Variants in ST7 observed in about 807,000 individuals in gnomAD.
ST7 encodes the protein suppression of tumorigenicity 7.
ST7 carries 28 observed loss-of-function variants against 78.7 expected under a neutral mutation model. That is an observed-to-expected ratio of 0.36 (90% CI 0.26 to 0.49). ST7 has a LOEUF of 0.49. Ranked by LOEUF, ST7 falls within the 20% of genes least tolerant of loss-of-function variation. The pLI is 0.99. For synonymous variants in ST7, 247 were observed against 249.6 expected, an observed-to-expected ratio of 0.99 and a Z score of 0.10; for missense variants, 418 against 696.0, an observed-to-expected ratio of 0.60 and a Z score of 4.49.
At chr7:117,080,041 C>T (rs1194170602) in intron 1 of ST7, among the ~76,000 whole-genome samples, 2 of 118,672 alleles carry the variant, frequency 1.7e-5, no homozygotes, top group East Asian at 2.8e-4. Context: ...AGTGCAGTGG[C>T]GGGATCTCGG....
chr7:117,115,611 C>T (rs973476278), intron 2 of ST7, among the ~76,000 whole-genome samples: 2 of 152,114 alleles, frequency 1.3e-5, no homozygotes, highest in African/African-American at 2.4e-5. Context: ...GCCTTGGCCT[C>T]CCAAAGTGTT....
intron 1 of ST7, among the ~76,000 whole-genome samples, chr7:117,057,885 A>G (rs1165220052): frequency 1.3e-5 from 2 of 152,060 alleles, no homozygotes; most frequent in African/African-American, 2.4e-5. Context: ...TATTTTTTTC[A>G]GTTACCACCT....
intron 1 of ST7, among the ~76,000 whole-genome samples, chr7:117,047,101 T>G (rs2116334565): frequency 6.6e-6 from 1 of 152,264 alleles, no homozygotes. Flanking sequence ...TAAATTGCAT[T>G]GGATACATTG....
At chr7:117,226,381 C>G (rs754336489) in intron 15 of ST7, among the ~76,000 whole-genome samples, 42 of 152,124 alleles carry the variant, frequency 2.8e-4, no homozygotes, top group Non-Finnish European at 4.6e-4. Context: ...TCTCTGCCCT[C>G]TGGACAGTTT....
intron 9 of ST7, among the ~76,000 whole-genome samples, chr7:117,159,841 C>T (rs545518999): frequency 4.6e-5 from 7 of 151,950 alleles, no homozygotes; most frequent in South Asian, 2.1e-4. Flanking sequence ...TGCAGTGAGC[C>T]GAGATCATGC....
chr7:117,175,891 G>A (rs1808310236), intron 10 of ST7, among the ~76,000 whole-genome samples: 1 of 152,070 alleles, frequency 6.6e-6, no homozygotes, highest in Non-Finnish European at 1.5e-5. Context: ...CGCAATGAGA[G>A]AATAAGAGCC....
At chr7:117,036,877 G>T (rs1000319848) in intron 1 of ST7, among the ~76,000 whole-genome samples, 1 of 152,146 alleles carries the variant, frequency 6.6e-6, no homozygotes, top group African/African-American at 2.4e-5. Context: ...TTTCCTAGGG[G>T]TATGAGTAGG....
intron 9 of ST7, among the ~76,000 whole-genome samples, chr7:117,149,583 G>A (rs1442163640): frequency 7.1e-6 from 1 of 139,998 alleles, no homozygotes; most frequent in Non-Finnish European, 1.5e-5. Flanking sequence ...TTGACTGTCC[G>A]TGTCCTACCT....
intron 9 of ST7, among the ~76,000 whole-genome samples, chr7:117,167,285 A>T (rs1018679499): frequency 6.9e-5 from 9 of 131,320 alleles, no homozygotes; most frequent in Non-Finnish European, 1.2e-4. Flanking sequence ...AGTGTTCATG[A>T]TTCTTAAGGT....
At chr7:116,957,709 G>T (rs1392705309) in intron 1 of ST7, among the ~76,000 whole-genome samples, 1 of 152,168 alleles carries the variant, frequency 6.6e-6, no homozygotes, top group Non-Finnish European at 1.5e-5. Context: ...AGTCATGCAG[G>T]ATATTATTAA....
chr7:117,092,637 A>G (rs554939639), intron 1 of ST7, among the ~76,000 whole-genome samples: 2 of 152,330 alleles, frequency 1.3e-5, no homozygotes, highest in African/African-American at 2.4e-5. Context: ...GATATTCTCT[A>G]TTATCACATG....
chr7:117,132,846 A>C (rs1242697809), intron 6 of ST7, among the ~76,000 whole-genome samples: 1 of 151,858 alleles, frequency 6.6e-6, no homozygotes, highest in Non-Finnish European at 1.5e-5. Context: ...GAAAAATATG[A>C]AGGCCAGGAA....
intron 1 of ST7, among the ~76,000 whole-genome samples, chr7:116,958,376 A>T (rs1274428621): frequency 2.0e-5 from 3 of 151,912 alleles, no homozygotes; most frequent in African/African-American, 7.3e-5. Flanking sequence ...GTGATATAGA[A>T]CTTAGGCTGC....
intron 14 of ST7, among the ~76,000 whole-genome samples, chr7:117,221,274 A>G (rs1037015385): frequency 1.3e-5 from 2 of 152,124 alleles, no homozygotes; most frequent in African/African-American, 4.8e-5. Flanking sequence ...TTGGAAGTGT[A>G]TTTGTCATCA....
chr7:117,096,514 T>A (rs1306458116), intron 1 of ST7, among the ~76,000 whole-genome samples: 1 of 152,256 alleles, frequency 6.6e-6, no homozygotes, highest in South Asian at 2.1e-4. Flanking sequence ...CTTTTTTTGC[T>A]GAAGGCTTTT....
At chr7:117,002,499 A>G (rs2116452436) in intron 1 of ST7, among the ~76,000 whole-genome samples, 1 of 152,196 alleles carries the variant, frequency 6.6e-6, no homozygotes, top group South Asian at 2.1e-4. Context: ...CAATATTATT[A>G]TTTTTACACA....
At chr7:117,224,813 C>T (rs1793334110) in intron 15 of ST7, among the ~76,000 whole-genome samples, 1 of 152,186 alleles carries the variant, frequency 6.6e-6, no homozygotes, top group African/African-American at 2.4e-5. Context: ...CTTCCAGGGA[C>T]ACTGCTTGGA....
At chr7:117,075,669 C>T (rs1405112058) in intron 1 of ST7, among the ~76,000 whole-genome samples, 5 of 152,188 alleles carry the variant, frequency 3.3e-5, no homozygotes, top group Admixed American at 3.3e-4. Context: ...AACATACATC[C>T]TGTCATCTCC....
chr7:117,165,342 C>G (rs1289858892), intron 9 of ST7, among the ~76,000 whole-genome samples: 1 of 152,106 alleles, frequency 6.6e-6, no homozygotes, highest in African/African-American at 2.4e-5. Context: ...CCATCTATTC[C>G]ATTTTCAGAC....
Sources: allele counts gnomAD v4.1 joint callset (sites outside exome capture counted in the v4.1 genomes callset), GRCh38; gene constraint gnomAD v4.1.1; transcripts MANE v1.5; gene names NCBI Gene and HGNC (gene_info 2026-07-23, HGNC 2026-07-21).